Variants in ATXN7L2 observed in about 807,000 individuals in gnomAD.
The protein encoded by ATXN7L2 is ataxin 7 like 2, also known as ataxin-7-like protein 2.
A neutral mutation model predicts 59.6 loss-of-function variants in ATXN7L2; 17 were observed. The observed-to-expected ratio is 0.29, with a 90% CI of 0.20 to 0.43. ATXN7L2 has a LOEUF of 0.43. Among genes scored for constraint, ATXN7L2 ranks in the 20% least tolerant of loss-of-function variants. The pLI, the probability that ATXN7L2 is intolerant of heterozygous loss-of-function variation, is 1.00. For synonymous variants in ATXN7L2, 378 were observed against 392.5 expected (o/e 0.96, Z 0.44); for missense variants, 858 against 1,008.9 (o/e 0.85, Z 2.03).
Position 109,488,823 on chromosome 1 carries a change from G to A in ATXN7L2, c.880-24G>A, listed in dbSNP as rs368810634. On this transcript the variant is annotated intron_variant, in intron 6 of 10. Coordinates refer to ENST00000683729, the MANE Select transcript of ATXN7L2 (RefSeq NM_001350175.2). This position sits in a 1 kb window ranked among gnomAD's most constrained non-coding sequence, Gnocchi z 5.0. ...CTTCTCAGTTCATACCTACTCCCCAGCTCTCCACTCTGCTGTATTCTAGAT... is the reference window on the plus strand; with the variant it reads ...CTTCTCAGTTCATACCTACTCCCCAACTCTCCACTCTGCTGTATTCTAGAT... 3.4e-4 allele frequency: 552 copies of A among 1,604,956 alleles called. 2 individuals are homozygous for A. The highest frequency in any genetic ancestry group is 4.2e-4 in the Non-Finnish European group (494 of 1,173,718).
At chr1:109,484,285 C>G (rs1379474717) in intron 1 of ATXN7L2, among the ~76,000 whole-genome samples, 1 of 152,048 alleles carries the variant, frequency 6.6e-6, no homozygotes, top group Non-Finnish European at 1.5e-5. Context: ...CCGCTCGCAG[C>G]CCACCCTGCC....
Position 109,486,396 on chromosome 1 carries a change from A to G in ATXN7L2, c.194-110A>G. 1.0e-6 allele frequency: 1 copy of G among 1,002,716 alleles called. No homozygotes were observed. The highest frequency in any genetic ancestry group is 1.5e-6 in the Non-Finnish European group (1 of 676,246). 62.1% of individuals were successfully genotyped at this position (1,002,716 alleles called of 1,614,324 possible). A position where few individuals can be genotyped will look rare whatever the true frequency, so the allele number is the denominator to read the frequency against. On this transcript the variant is annotated intron_variant, in intron 2 of 10. Coordinates refer to ENST00000683729, the MANE Select transcript of ATXN7L2 (RefSeq NM_001350175.2). The surrounding 1 kb of genome is among the most constrained non-coding windows in gnomAD (Gnocchi z 4.3). ...AAGCATTCAGCATGGAGCTTGTTAT[A>G]TCAGCGGGGAGGTGAAGTGCCTTCT...
rs553469001 is a variant in ATXN7L2 at position 109,484,840 on chromosome 1, A to G, written c.127+760A>G. 7.9e-5 allele frequency among the ~76,000 whole-genome samples: 12 copies of G among 152,286 alleles called. No individual in the cohort carries two copies. In the South Asian group the frequency reaches 2.5e-3, roughly 32 times the overall value. On this transcript the variant is annotated intron_variant, in intron 1 of 10. Coordinates refer to ENST00000683729, the MANE Select transcript of ATXN7L2 (RefSeq NM_001350175.2). ...CCTGAAGAAGTTTGCAAGTGAGAAG[A>G]GGTGGAGGAGGAGACTGCACGGAGG...
chr1:109,491,804 C>T lies in ATXN7L2; in HGVS notation c.2250+87C>T, dbSNP rs1657103542. ...AGAAGATGCTACATTGGTGTTTGTG[C>T]AGGGAAAGGGAGGAAGGGGAAGTTG... On this transcript the variant is annotated intron_variant, in intron 10 of 10. Transcript: ENST00000683729. The surrounding 1 kb of genome is among the most constrained non-coding windows in gnomAD (Gnocchi z 4.1). The T allele has an allele frequency of 2.8e-6, 4 of 1,403,630 alleles. No individual in the cohort carries two copies. Among genetic ancestry groups the T allele is most frequent in the African/African-American group, 1.4e-5 (1 of 68,980 alleles). 86.9% of individuals were successfully genotyped at this position (1,403,630 alleles called of 1,614,324 possible).
At chr1:109,485,475 C>T (rs960781713) in intron 1 of ATXN7L2, 2 of 985,194 alleles carry the variant, frequency 2.0e-6, no homozygotes, top group Admixed American at 1.2e-4. Flanking sequence ...CAGTGCAGGA[C>T]CTGAGAAGCT....
Position 109,488,603 on chromosome 1 carries a change from A to G in ATXN7L2, c.879+138A>G. The G allele has an allele frequency of 9.3e-7, 1 of 1,075,898 alleles. No individual in the cohort carries two copies. The highest frequency in any genetic ancestry group is 1.3e-6 in the Non-Finnish European group (1 of 743,924). 66.6% of individuals were successfully genotyped at this position (1,075,898 alleles called of 1,614,324 possible). A position where few individuals can be genotyped will look rare whatever the true frequency, so the allele number is the denominator to read the frequency against. On this transcript the variant is annotated intron_variant, in intron 6 of 10. Coordinates refer to ENST00000683729, the MANE Select transcript of ATXN7L2 (RefSeq NM_001350175.2). The surrounding 1 kb of genome is among the most constrained non-coding windows in gnomAD (Gnocchi z 5.0). Reference sequence around the variant, plus strand: ...AGTTAGGCCCACCCAAGGGAAGGGGAGATGGGTATGCCCCTCCTGGGCAGA... The same window carrying G: ...AGTTAGGCCCACCCAAGGGAAGGGGGGATGGGTATGCCCCTCCTGGGCAGA...
rs1375829610 is a variant in ATXN7L2, at chr1:109,486,893, A to G, written c.299-114A>G. The G allele has an allele frequency of 5.7e-6, 6 of 1,048,152 alleles. No homozygotes were observed. The highest frequency in any genetic ancestry group is 8.1e-6 in the Non-Finnish European group (6 of 740,716). The allele number at this position is 1,048,152 out of a possible 1,614,324, so 64.9% of individuals were successfully genotyped here. A position where few individuals can be genotyped will look rare whatever the true frequency, so the allele number is the denominator to read the frequency against. ...CAAATGGGAAGGAGGCATGTTTACA[A>G]TCTAATTTATGGAAACTCAGATTCT... On this transcript the variant is annotated intron_variant, in intron 3 of 10. Coordinates refer to ENST00000683729, the MANE Select transcript of ATXN7L2 (RefSeq NM_001350175.2). The surrounding 1 kb of genome is among the most constrained non-coding windows in gnomAD (Gnocchi z 4.3).
chr1:109,487,922 A>C, intron 5 of ATXN7L2, 118 bp downstream of exon 5: 2 of 1,209,658 alleles, frequency 1.7e-6, no homozygotes, highest in South Asian at 3.3e-5. Context: ...CACAGGTTGT[A>C]GGGTATAGGA....
Position 109,484,012 on chromosome 1 carries a change from G to A in ATXN7L2, c.59G>A (p.Ser20Asn), listed in dbSNP as rs765628680. The change falls in exon 1 of 11, where the codon AGT becomes AAT. Residue 20 changes from serine to asparagine, a missense_variant. By Grantham distance (46) the Ser-to-Asn change is conservative. Around this residue, in one of 3 missense-constraint regions of ATXN7L2, gnomAD observed 95 missense variants for 82.6 expected, o/e 1.15. Transcript: ENST00000683729. ...GCCGCTCTGGAGCGGCGGGTGCCGA[G>A]TCTCGATGACTTCGCGGGACAGAGC... ...AMAALERRVP[S>N]LDDFAGQSWS... The A allele has an allele frequency of 7.0e-7, 1 of 1,420,970 alleles. No homozygotes were observed. Among genetic ancestry groups the A allele is most frequent in the Non-Finnish European group, 9.3e-7 (1 of 1,078,964 alleles). 88.0% of individuals were successfully genotyped at this position (1,420,970 alleles called of 1,614,324 possible). A position where few individuals can be genotyped will look rare whatever the true frequency, so the allele number is the denominator to read the frequency against.
Position 109,488,584 on chromosome 1 carries a change from G to A in ATXN7L2, c.879+119G>A. 1 of 1,200,778 alleles carries A rather than the reference G, an allele frequency of 8.3e-7. No homozygotes were observed. Among genetic ancestry groups the A allele is most frequent in the Non-Finnish European group, 1.2e-6 (1 of 849,012 alleles). 74.4% of individuals were successfully genotyped at this position (1,200,778 alleles called of 1,614,324 possible). A position where few individuals can be genotyped will look rare whatever the true frequency, so the allele number is the denominator to read the frequency against. On this transcript the variant is annotated intron_variant, in intron 6 of 10. Coordinates refer to ENST00000683729, the MANE Select transcript of ATXN7L2 (RefSeq NM_001350175.2). This position sits in a 1 kb window ranked among gnomAD's most constrained non-coding sequence, Gnocchi z 5.0. ...GTCCAGCTTAAGGGAGGGCAGTTAG[G>A]CCCACCCAAGGGAAGGGGAGATGGG...
In ATXN7L2 at chr1:109,490,123, C is replaced by T; in HGVS notation, c.1327C>T (p.Gln443Ter). Residue 443 changes from glutamine to a stop codon, truncating the protein, a stop_gained, in exon 8 of 11, where the codon CAG (glutamine) becomes TAG (stop). Transcript: ENST00000683729. LOFTEE classifies it high-confidence loss of function. ...TTATGCAACCCGGCCCCCACGGCCA[C>T]AGGCGGTAAGGACCTGGAATAGGGG... ...CHYATRPPRPQAFCTFGSRLV... is the reference protein window; with the variant it reads ...CHYATRPPRP 1 of 1,569,388 alleles carries T rather than the reference C, an allele frequency of 6.4e-7. No homozygotes were observed. Among genetic ancestry groups the T allele is most frequent in the South Asian group, 1.2e-5 (1 of 83,236 alleles).
rs1036105032 is a variant in ATXN7L2, at chr1:109,489,118, C to T, written c.1133+18C>T. 3.1e-6 allele frequency: 5 copies of T among 1,600,470 alleles called. No individual in the cohort carries two copies. Among genetic ancestry groups the T allele is most frequent in the East Asian group, 2.2e-5 (1 of 44,522 alleles). On this transcript the variant is annotated intron_variant, in intron 7 of 10. Transcript: ENST00000683729. ...CTGCCCAGGTACGTCTAGAATCCAA[C>T]CCCTACCTCACCTGGGGGTACTTGG...
intron 7 of ATXN7L2, 66 bp from the exon 8 acceptor site, chr1:109,489,864 C>G (rs1656893318): frequency 6.3e-7 from 1 of 1,574,822 alleles, no homozygotes; most frequent in Non-Finnish European, 8.7e-7. Context: ...TCGGCAGGTT[C>G]AAGGATGCCC....
At position 109,488,414 on chromosome 1, in the gene ATXN7L2, G is replaced by A. The variant is rs1270208834; in HGVS notation, c.828G>A (p.Gly276=). The change falls in exon 6 of 11, where the codon GGG becomes GGA. Residue 276 remains glycine (G), a synonymous_variant. Transcript: ENST00000683729. This position sits in a 1 kb window ranked among gnomAD's most constrained non-coding sequence, Gnocchi z 5.0. ...AGTGCGACCTCAACAGGCAGTGTGGGGTAATAAATCCAGAGACCAAAAAGA... is the reference window on the plus strand; with the variant it reads ...AGTGCGACCTCAACAGGCAGTGTGGAGTAATAAATCCAGAGACCAAAAAGA... ...RKECDLNRQC[G]VINPETKKIC... 1.2e-6 allele frequency: 2 copies of A among 1,604,428 alleles called. No individual in the cohort carries two copies. The highest frequency in any genetic ancestry group is 1.3e-5 in the African/African-American group (1 of 74,954).
In ATXN7L2 at chr1:109,486,134, C is replaced by T. The variant is rs929328557; in HGVS notation, c.193+12C>T. 5.1e-6 allele frequency: 8 copies of T among 1,581,204 alleles called. No homozygotes were observed. The South Asian group carries it at 8.2e-5, about 16-fold the overall frequency. Reference sequence around the variant, plus strand: ...CCTCATTAAAGAAGGTGGGAGTCGACACACATTAGGGCTGGGACCCAGGGC... The same window carrying T: ...CCTCATTAAAGAAGGTGGGAGTCGATACACATTAGGGCTGGGACCCAGGGC... On this transcript the variant is annotated intron_variant, in intron 2 of 10. Coordinates refer to ENST00000683729, the MANE Select transcript of ATXN7L2 (RefSeq NM_001350175.2). The surrounding 1 kb of genome is among the most constrained non-coding windows in gnomAD (Gnocchi z 4.3).
At position 109,487,130 on chromosome 1, in the gene ATXN7L2, C is replaced by T; in HGVS notation, c.422C>T (p.Ser141Phe). 1 of 1,610,270 alleles carries T rather than the reference C, an allele frequency of 6.2e-7. No individual in the cohort carries two copies. Among genetic ancestry groups the T allele is most frequent in the Non-Finnish European group, 8.5e-7 (1 of 1,178,332 alleles). The change falls in exon 4 of 11, where the codon TCC (serine) becomes TTC (phenylalanine). Residue 141 changes from serine to phenylalanine, a missense_variant. Transcript: ENST00000683729. Reference sequence around the variant, plus strand: ...GGCCCAGCTTGTAGGGCCCCAGGTTCCACGAAAACCTCCTCCAGGGAGAAG... The same window carrying T: ...GGCCCAGCTTGTAGGGCCCCAGGTTTCACGAAAACCTCCTCCAGGGAGAAG... ...GQGPACRAPG[S>F]TKTSSREKGQ...
intron 1 of ATXN7L2, chr1:109,485,148 A>C: frequency 1.8e-6 from 1 of 552,662 alleles, no homozygotes; most frequent in Non-Finnish European, 2.3e-6. Flanking sequence ...AGATGGGGCC[A>C]TTGTCAGGGT....
rs774764770 is a variant in ATXN7L2, at chr1:109,492,715, A to G, written c.*115A>G. ...TATATTATTTTTTTTTAAGAAAAAAAGCTCTTTAAAATACCTCAAGACTGT... is the reference window on the plus strand; with the variant it reads ...TATATTATTTTTTTTTAAGAAAAAAGGCTCTTTAAAATACCTCAAGACTGT... On this transcript the variant is annotated 3_prime_UTR_variant, in exon 11 of 11. Coordinates refer to ENST00000683729, the MANE Select transcript of ATXN7L2 (RefSeq NM_001350175.2). 35 of 1,308,684 alleles carry G rather than the reference A, an allele frequency of 2.7e-5. No homozygotes were observed. Among genetic ancestry groups the G allele is most frequent in the Non-Finnish European group, 3.7e-5 (35 of 944,552 alleles). The allele number at this position is 1,308,684 out of a possible 1,614,324, so 81.1% of individuals were successfully genotyped here.
At position 109,487,186 on chromosome 1, in the gene ATXN7L2, C is replaced by T. The variant is rs1389389450; in HGVS notation, c.478C>T (p.Pro160Ser). The stretch of plus-strand genomic sequence containing the variant: ...GGGGTCCCGGAGCCGTGGCCACCAG[C>T]CTCCTGAGAAGACCCAGAAGGACAA... ...GQGSRSRGHQ[P>S]PEKTQKDNLC... The change falls in exon 4 of 11, where the codon CCT (proline) becomes TCT (serine). Residue 160 changes from proline (P) to serine (S), a missense_variant. By Grantham distance (74) the Pro-to-Ser change is moderately conservative. This residue lies in a region of ATXN7L2 where 734 missense variants were observed against 862.3 expected (regional missense o/e 0.85). Coordinates refer to ENST00000683729, the MANE Select transcript of ATXN7L2 (RefSeq NM_001350175.2). 6.3e-7 allele frequency: 1 copy of T among 1,584,060 alleles called. No homozygotes were observed.
Sources: allele counts gnomAD v4.1 joint callset (sites outside exome capture counted in the v4.1 genomes callset), GRCh38; gene constraint gnomAD v4.1.1; regional missense constraint gnomAD v4.1.1; non-coding constraint Gnocchi (gnomAD v3.1); transcripts MANE v1.5; gene names NCBI Gene and HGNC (gene_info 2026-07-23, HGNC 2026-07-21).